GRM7: variants seen among roughly 807,000 people sequenced by gnomAD.
GRM7 encodes the protein glutamate metabotropic receptor 7, also known as metabotropic glutamate receptor 7.
In GRM7, 35 loss-of-function variants were observed where a neutral mutation model predicts 84.5. That is an observed-to-expected ratio of 0.41 (90% confidence interval 0.32 to 0.55). GRM7 has a LOEUF of 0.55. Ranked by LOEUF, GRM7 falls within the 20% of genes least tolerant of loss-of-function variation. The probability of loss-of-function intolerance (pLI) is 0.19; values close to 1 mark genes in which losing one functional copy is unlikely to be tolerated. For synonymous variants in GRM7, 487 were observed against 455.1 expected (o/e 1.07, Z -0.89); for missense variants, 1,003 against 1,194.6 (o/e 0.84, Z 2.36).
At chr3:7,180,039 C>A (rs1695285531) in intron 2 of GRM7, among the ~76,000 whole-genome samples, 1 of 152,152 alleles carries the variant, frequency 6.6e-6, no homozygotes, top group South Asian at 2.1e-4. Flanking sequence ...AATCTACCAC[C>A]TTCCAATTTT....
chr3:7,563,073 C>G (rs1228454297), intron 7 of GRM7, among the ~76,000 whole-genome samples: 1 of 152,132 alleles, frequency 6.6e-6, no homozygotes, highest in Non-Finnish European at 1.5e-5. Context: ...TCTCCATTTA[C>G]CTGGCAGAGA....
At chr3:7,481,886 T>C (rs188173935) in intron 7 of GRM7, among the ~76,000 whole-genome samples, 2 of 152,332 alleles carry the variant, frequency 1.3e-5, no homozygotes, top group Admixed American at 6.5e-5. Flanking sequence ...AGCATTTTGC[T>C]AATTAGAAAT....
At chr3:7,026,514 G>T (rs942353143) in intron 1 of GRM7, among the ~76,000 whole-genome samples, 1 of 152,186 alleles carries the variant, frequency 6.6e-6, no homozygotes, top group Non-Finnish European at 1.5e-5. Flanking sequence ...TGCTGTGTTT[G>T]TAAGAAGAGG....
At position 7,579,863 on chromosome 3, in the gene GRM7, A is replaced by G. The variant is rs958693563; in HGVS notation, c.2451+506A>G. On this transcript the variant is annotated intron_variant, in intron 8 of 9. Transcript: ENST00000357716. Reference sequence around the variant, plus strand: ...CTTTACAACAGAGTAGAGTTGCCCAATTGTATATGCACAATATATACCCAG... The same window carrying G: ...CTTTACAACAGAGTAGAGTTGCCCAGTTGTATATGCACAATATATACCCAG... Among the ~76,000 whole-genome samples, 15 of 152,308 alleles carry G rather than the reference A, an allele frequency of 9.8e-5. 1 individual carries two copies. Among genetic ancestry groups the G allele is most frequent in the Middle Eastern group, 3.4e-3 (1 of 294 alleles).
At chr3:7,394,380 T>C (rs1247209246) in intron 4 of GRM7, among the ~76,000 whole-genome samples, 1 of 152,182 alleles carries the variant, frequency 6.6e-6, no homozygotes, top group Non-Finnish European at 1.5e-5. Context: ...GTGTTCTCGA[T>C]CTTTTGTGAG....
rs537080664 is a variant in GRM7, at chr3:7,386,021, A to G, written c.1034-29002A>G. 4.6e-5 allele frequency among the ~76,000 whole-genome samples: 7 copies of G among 152,338 alleles called. No homozygotes were observed. In the South Asian group the frequency reaches 1.2e-3, roughly 27 times the overall value. On this transcript the variant is annotated intron_variant, in intron 4 of 9. Transcript: ENST00000357716. ...TTTACACTAAGTCAACAAATGTACT[A>G]TACTGTTTAGCAATGTATACAATGG...
At chr3:7,462,256 T>C (rs1048085433) in intron 7 of GRM7, among the ~76,000 whole-genome samples, 1 of 152,148 alleles carries the variant, frequency 6.6e-6, no homozygotes, top group South Asian at 2.1e-4. Context: ...GTCAAATCCA[T>C]CAGCCAATGT....
At chr3:7,703,950 C>T (rs561529893) in intron 9 of GRM7, among the ~76,000 whole-genome samples, 1 of 152,258 alleles carries the variant, frequency 6.6e-6, no homozygotes, top group East Asian at 1.9e-4. Context: ...AATAAGAAGC[C>T]CTTGTTCCTT....
chr3:7,649,346 G>A (rs1698820043), intron 8 of GRM7, among the ~76,000 whole-genome samples: 2 of 152,044 alleles, frequency 1.3e-5, no homozygotes, highest in African/African-American at 2.4e-5. Flanking sequence ...TGGGATTACA[G>A]CAAAGTGCTG....
chr3:7,283,530 T>C (rs1699326383), intron 2 of GRM7, among the ~76,000 whole-genome samples: 1 of 152,090 alleles, frequency 6.6e-6, no homozygotes, highest in Admixed American at 6.6e-5. Flanking sequence ...GCTTTTGAAA[T>C]AGACACTAAA....
intron 5 of GRM7, among the ~76,000 whole-genome samples, chr3:7,429,204 TG>T (rs1469408504): frequency 1.3e-5 from 2 of 152,182 alleles, no homozygotes; most frequent in African/African-American, 2.4e-5. Context: ...TGTTTTTTTT[TG>T]TTTTGTTTTA....
chr3:7,018,826 G>A lies in GRM7; in HGVS notation c.520-127626G>A, dbSNP rs567618641. On this transcript the variant is annotated intron_variant, in intron 1 of 9. Coordinates refer to ENST00000357716, the MANE Select transcript of GRM7 (RefSeq NM_000844.4). ...AAGTAAGTTTTGTGGGCCAGGCGCC[G>A]TGGCTCACGCCTGTAATCTTAGTAC... Among the ~76,000 whole-genome samples the A allele has an allele frequency of 2.6e-5, 4 of 152,364 alleles. 1 individual carries two copies. The highest frequency in any genetic ancestry group is 1.9e-4 in the East Asian group (1 of 5,186).
intron 6 of GRM7, among the ~76,000 whole-genome samples, chr3:7,454,026 C>G (rs1481331343): frequency 1.3e-5 from 2 of 150,400 alleles, no homozygotes; most frequent in Non-Finnish European, 2.9e-5. Context: ...TAAAGTGCCC[C>G]AACATTATAA....
intron 1 of GRM7, among the ~76,000 whole-genome samples, chr3:7,081,429 T>C (rs1698271593): frequency 6.6e-6 from 1 of 152,124 alleles, no homozygotes; most frequent in African/African-American, 2.4e-5. Context: ...GACAATAAAC[T>C]TAATCAGTCT....
intron 1 of GRM7, among the ~76,000 whole-genome samples, chr3:7,018,213 T>A (rs1290793546): frequency 6.6e-6 from 1 of 152,272 alleles, no homozygotes; most frequent in South Asian, 2.1e-4. Context: ...ACATTCTTTT[T>A]TTCATATGAA....
intron 1 of GRM7, among the ~76,000 whole-genome samples, chr3:6,877,951 T>TG (rs1295972431): frequency 2.7e-5 from 1 of 36,474 alleles, no homozygotes; most frequent in Non-Finnish European, 6.6e-5. Context: ...ATAACTTACT[T>TG]TTTTTTTTTT....
At chr3:6,890,147 G>A (rs963660688) in intron 1 of GRM7, among the ~76,000 whole-genome samples, 5 of 151,786 alleles carry the variant, frequency 3.3e-5, no homozygotes, top group East Asian at 3.9e-4. Context: ...TCTTGGTAGC[G>A]GTCTATCAAT....
At chr3:7,207,459 C>A (rs533095206) in intron 2 of GRM7, among the ~76,000 whole-genome samples, 1 of 152,302 alleles carries the variant, frequency 6.6e-6, no homozygotes, top group South Asian at 2.1e-4. Flanking sequence ...TACAGGCTGA[C>A]TCTTCCTATT....
intron 2 of GRM7, among the ~76,000 whole-genome samples, chr3:7,221,048 G>C (rs1345798099): frequency 6.6e-6 from 1 of 151,032 alleles, no homozygotes; most frequent in African/African-American, 2.4e-5. Flanking sequence ...AATGAGCCGA[G>C]ATCACACCAC....
Sources: allele counts gnomAD v4.1 joint callset (sites outside exome capture counted in the v4.1 genomes callset), GRCh38; gene constraint gnomAD v4.1.1; transcripts MANE v1.5; gene names NCBI Gene and HGNC (gene_info 2026-07-23, HGNC 2026-07-21).